FTCDNL1: variants seen among roughly 807,000 people sequenced by gnomAD.
FTCDNL1 encodes the protein formiminotransferase N-terminal subdomain-containing protein.
A neutral mutation model predicts 5.9 loss-of-function variants in FTCDNL1; 11 were observed. The ratio of observed to expected loss-of-function variants is 1.87; its 90% CI spans 1.18 to 3.10. The LOEUF is 3.10. Among genes scored for constraint, FTCDNL1 ranks in the 30% most tolerant of loss-of-function variants. The pLI, the probability that FTCDNL1 is intolerant of heterozygous loss-of-function variation, is 0.00. For missense variants in FTCDNL1, 115 were observed against 65.5 expected (o/e 1.76, Z -2.61); for synonymous variants, 58 against 24.8 (o/e 2.34, Z -3.99).
chr2:199,850,440 C>G lies in FTCDNL1; in HGVS notation c.-8+300G>C, dbSNP rs185672960. Among the ~76,000 whole-genome samples the G allele has an allele frequency of 2.0e-3, 301 of 152,340 alleles. 1 individual carries two copies. The highest frequency in any genetic ancestry group is 6.5e-3 in the African/African-American group (270 of 41,574). ...TGCAAAAGAAAGGATTAGTTTCATCCTCTCATTCCACATTTTGATTCCCTG... is the reference window on the plus strand; with the variant it reads ...TGCAAAAGAAAGGATTAGTTTCATCGTCTCATTCCACATTTTGATTCCCTG... On this transcript the variant is annotated intron_variant, in intron 1 of 4. Transcript: ENST00000420128.
the FTCDNL1 span, among the ~76,000 whole-genome samples, chr2:199,710,389 TTAAA>T: frequency 7.1e-4 from 108 of 152,242 alleles, 2 homozygotes; most frequent in African/African-American, 2.5e-3. Context: ...ACAATATATG[TTAAA>T]TAAATGTCTT....
the FTCDNL1 span, among the ~76,000 whole-genome samples, chr2:199,727,493 C>T: frequency 6.6e-6 from 1 of 152,234 alleles, no homozygotes; most frequent in Admixed American, 6.5e-5. Flanking sequence ...CAGTCACCCA[C>T]CACCTCCTTT....
At chr2:199,671,234 T>C in the FTCDNL1 span, among the ~76,000 whole-genome samples, 1 of 151,378 alleles carries the variant, frequency 6.6e-6, no homozygotes, top group African/African-American at 2.4e-5. Context: ...AAATAAATAA[T>C]GACCACACAA....
the FTCDNL1 span, among the ~76,000 whole-genome samples, chr2:199,672,500 A>C: frequency 6.6e-6 from 1 of 152,170 alleles, no homozygotes; most frequent in Non-Finnish European, 1.5e-5. Context: ...TAAAATAATA[A>C]AAATCATTTA....
the FTCDNL1 span, among the ~76,000 whole-genome samples, chr2:199,725,967 T>A: frequency 1.3e-5 from 2 of 152,186 alleles, no homozygotes; most frequent in Non-Finnish European, 2.9e-5. Context: ...CTGGATGATA[T>A]CCTGAAGTAT....
At chr2:199,674,463 T>C in the FTCDNL1 span, among the ~76,000 whole-genome samples, 1 of 152,196 alleles carries the variant, frequency 6.6e-6, no homozygotes, top group Non-Finnish European at 1.5e-5. Context: ...CCTCCTGGAT[T>C]ACCCAGCACA....
rs566747459 is a variant in FTCDNL1, at chr2:199,819,110, A to G, written c.397+462T>C. ...TTTTTCCAGGGTTCCTCTAGAACTG[A>G]TTTCCAGCTGTAAGCACCAACTTGG... On this transcript the variant is annotated intron_variant, in intron 4 of 4. Coordinates refer to ENST00000420128, the MANE Select transcript of FTCDNL1 (RefSeq NM_001363886.2). The G allele has an allele frequency of 6.4e-4, 99 of 154,962 alleles. No individual in the cohort carries two copies. In the South Asian group the frequency reaches 0.015, roughly 23 times the overall value. 9.6% of individuals were successfully genotyped at this position (154,962 alleles called of 1,614,324 possible). A position where few individuals can be genotyped will look rare whatever the true frequency, so the allele number is the denominator to read the frequency against.
the FTCDNL1 span, among the ~76,000 whole-genome samples, chr2:199,721,602 T>C: frequency 6.6e-6 from 1 of 152,212 alleles, no homozygotes; most frequent in Admixed American, 6.5e-5. Flanking sequence ...GTATGTATCT[T>C]TATAATAGAA....
intron 3 of FTCDNL1, among the ~76,000 whole-genome samples, chr2:199,838,082 G>C (rs1354444962): frequency 1.3e-5 from 2 of 152,170 alleles, no homozygotes; most frequent in African/African-American, 2.4e-5. Flanking sequence ...GTGTCAACAG[G>C]CAACAGGGTC....
chr2:199,787,574 T>C (rs936323469), intron 3 of FTCDNL1, among the ~76,000 whole-genome samples: 1 of 152,168 alleles, frequency 6.6e-6, no homozygotes, highest in Non-Finnish European at 1.5e-5. Context: ...AGGGACAATA[T>C]TCTACCTACC....
At chr2:199,838,655 G>C (rs1388309281) in intron 3 of FTCDNL1, among the ~76,000 whole-genome samples, 2 of 152,122 alleles carry the variant, frequency 1.3e-5, no homozygotes, top group Admixed American at 6.6e-5. Flanking sequence ...AAGGCAAAGG[G>C]GAAGCTCAAA....
At position 199,851,083 on chromosome 2, in the gene FTCDNL1, G is replaced by A. The variant is rs1574720495; in HGVS notation, c.-351C>T. 1 of 145,846 alleles carries A rather than the reference G, an allele frequency of 6.9e-6. No individual in the cohort carries two copies. The highest frequency in any genetic ancestry group is 6.9e-5 in the Admixed American group (1 of 14,526). 9.0% of individuals were successfully genotyped at this position (145,846 alleles called of 1,614,324 possible). A position where few individuals can be genotyped will look rare whatever the true frequency, so the allele number is the denominator to read the frequency against. The stretch of plus-strand genomic sequence containing the variant: ...GGAGGGGAGCGGACCTGCGAGCGCC[G>A]AAGGGCGGTGGGGCAGGGCGACCGC... On this transcript the variant is annotated 5_prime_UTR_variant, in exon 1 of 5. Coordinates refer to ENST00000420128, the MANE Select transcript of FTCDNL1 (RefSeq NM_001363886.2).
At chr2:199,807,049 G>C (rs1309347269), downstream of FTCDNL1, among the ~76,000 whole-genome samples, 1 of 152,224 alleles carries the variant, frequency 6.6e-6, no homozygotes, top group South Asian at 2.1e-4. Context: ...CTGTAGGGCT[G>C]CTTCTAAGAG....
At chr2:199,693,482 G>A in the FTCDNL1 span, among the ~76,000 whole-genome samples, 1 of 152,286 alleles carries the variant, frequency 6.6e-6, no homozygotes, top group East Asian at 1.9e-4. Context: ...TGCATTGAGT[G>A]ACAAATCTTA....
At chr2:199,665,686 G>A in the FTCDNL1 span, among the ~76,000 whole-genome samples, 1 of 27,178 alleles carries the variant, frequency 3.7e-5, no homozygotes, top group African/African-American at 1.0e-4. Flanking sequence ...ACGGCCGGGC[G>A]CGGTGGCTCA....
intron 2 of FTCDNL1, 26 bp from the exon 3 acceptor site, chr2:199,846,196 C>T: frequency 1.5e-6 from 1 of 663,136 alleles, no homozygotes; most frequent in South Asian, 1.7e-5. Context: ...GACAGAAGTG[C>T]AAGAATTTTT....
At chr2:199,673,544 A>T in the FTCDNL1 span, among the ~76,000 whole-genome samples, 2 of 152,102 alleles carry the variant, frequency 1.3e-5, no homozygotes, top group African/African-American at 4.8e-5. Context: ...TTTTGCACCT[A>T]CTATATGCTA....
chr2:199,744,449 G>C, the FTCDNL1 span, among the ~76,000 whole-genome samples: 2,643 of 125,450 alleles, frequency 0.021, 60 homozygotes, highest in East Asian at 0.16. Context: ...CACACACAGA[G>C]AGAGAGAGAG....
At chr2:199,678,285 T>C in the FTCDNL1 span, among the ~76,000 whole-genome samples, 1 of 152,166 alleles carries the variant, frequency 6.6e-6, no homozygotes, top group Non-Finnish European at 1.5e-5. Flanking sequence ...GTATTCATAA[T>C]GAAAGTCCAT....
Sources: allele counts gnomAD v4.1 joint callset (sites outside exome capture counted in the v4.1 genomes callset), GRCh38; gene constraint gnomAD v4.1.1; transcripts MANE v1.5; gene names NCBI Gene and HGNC (gene_info 2026-07-23, HGNC 2026-07-21).